Variants in PDZRN3 observed in about 807,000 individuals in gnomAD.
PDZRN3 encodes the protein E3 ubiquitin-protein ligase PDZRN3.
Under a neutral mutation model 85.7 loss-of-function variants are expected in PDZRN3, and 38 were observed. The observed-to-expected ratio is 0.44, with a 90% CI of 0.34 to 0.58. The LOEUF (loss-of-function observed/expected upper bound fraction) is 0.58, where lower values mean the gene tolerates loss of function less well. PDZRN3 is among the 20% of genes least tolerant of loss of function. The pLI is 0.01. For synonymous variants in PDZRN3, 759 were observed against 638.0 expected (o/e 1.19, Z -2.86); for missense variants, 1,629 against 1,506.4 (o/e 1.08, Z -1.35).
chr3:73,436,031 C>T (rs1702524571), intron 3 of PDZRN3, among the ~76,000 whole-genome samples: 1 of 152,164 alleles, frequency 6.6e-6, no homozygotes, highest in South Asian at 2.1e-4. Flanking sequence ...TCTGCTGGAA[C>T]CGCTCTTCCC....
chr3:73,453,400 G>A (rs1872958), intron 3 of PDZRN3, among the ~76,000 whole-genome samples: 96,495 of 122,392 alleles, frequency 0.79, 37,431 homozygotes, highest in East Asian at 0.91. Flanking sequence ...GTGAGACTTC[G>A]TCTCAAAAAA....
intron 3 of PDZRN3, among the ~76,000 whole-genome samples, chr3:73,590,550 C>T (rs1037554138): frequency 1.3e-5 from 2 of 152,172 alleles, no homozygotes; most frequent in Admixed American, 1.3e-4. Flanking sequence ...ACGTCAACAA[C>T]TTTGGTACCA....
intron 3 of PDZRN3, among the ~76,000 whole-genome samples, chr3:73,429,771 A>C (rs1006406451): frequency 6.6e-6 from 1 of 152,214 alleles, no homozygotes; most frequent in Non-Finnish European, 1.5e-5. Context: ...CTGAGAGGCA[A>C]AAGGACATCA....
In PDZRN3 at chr3:73,474,543, A is replaced by C. The variant is rs933463540; in HGVS notation, c.919-70148T>G. 23 of 1,287,620 alleles carry C rather than the reference A, an allele frequency of 1.8e-5. No individual in the cohort carries two copies. The Admixed American group carries it at 5.3e-4, about 30-fold the overall frequency. The allele number at this position is 1,287,620 out of a possible 1,614,324, so 79.8% of individuals were successfully genotyped here. On this transcript the variant is annotated intron_variant, in intron 3 of 9. Transcript: ENST00000263666. ...CCTCTTGTGTTCCATCTTCATTTAAAAATTGACTCAGTGAAGCAAGGCAGC... is the reference window on the plus strand; with the variant it reads ...CCTCTTGTGTTCCATCTTCATTTAACAATTGACTCAGTGAAGCAAGGCAGC...
intron 3 of PDZRN3, among the ~76,000 whole-genome samples, chr3:73,544,955 C>T (rs1701387951): frequency 6.6e-6 from 1 of 152,014 alleles, no homozygotes; most frequent in Non-Finnish European, 1.5e-5. Context: ...TCCCCATCTC[C>T]AATGCATGCA....
chr3:73,417,056 A>G (rs1218016068), intron 3 of PDZRN3, among the ~76,000 whole-genome samples: 1 of 150,380 alleles, frequency 6.6e-6, no homozygotes, highest in Non-Finnish European at 1.5e-5. Context: ...TTTTTTTTGT[A>G]TTTTTAGTAG....
chr3:73,480,433 A>G (rs4677288), intron 3 of PDZRN3, among the ~76,000 whole-genome samples: 3 of 151,886 alleles, frequency 2.0e-5, no homozygotes, highest in Non-Finnish European at 2.9e-5. Flanking sequence ...TTCTGCACAC[A>G]TAAGTCTCTC....
chr3:73,624,726 C>T lies in PDZRN3; in HGVS notation c.100G>A (p.Gly34Ser), dbSNP rs1559762499. The T allele has an allele frequency of 6.5e-7, 1 of 1,529,392 alleles. No homozygotes were observed. The allele number at this position is 1,529,392 out of a possible 1,614,324, so 94.7% of individuals were successfully genotyped here. Reference sequence around the variant, plus strand: ...ACGCAGCCGGCGCAGAAGACGTGGCCGCACGGCGTGGTCAGCGGGTCCTCC... The same window carrying T: ...ACGCAGCCGGCGCAGAAGACGTGGCTGCACGGCGTGGTCAGCGGGTCCTCC... ...VLEDPLTTPC[G>S]HVFCAGCVLP... Residue 34 changes from glycine (G) to serine (S), a missense_variant, in exon 1 of 10, where the codon GGC becomes AGC. Transcript: ENST00000263666.
At chr3:73,462,892 C>T (rs1299247340) in intron 3 of PDZRN3, among the ~76,000 whole-genome samples, 1 of 152,164 alleles carries the variant, frequency 6.6e-6, no homozygotes, top group Non-Finnish European at 1.5e-5. Context: ...CTTAATGGGA[C>T]TAAGTATTAT....
chr3:73,553,234 C>T (rs990230191), intron 3 of PDZRN3, among the ~76,000 whole-genome samples: 3 of 152,136 alleles, frequency 2.0e-5, no homozygotes, highest in Non-Finnish European at 4.4e-5. Flanking sequence ...ATAATTAACA[C>T]GGTTGACACA....
chr3:73,602,509 A>G, intron 2 of PDZRN3, 48 bp from the exon 3 acceptor site: 1 of 956,508 alleles, frequency 1.0e-6, no homozygotes, highest in Non-Finnish European at 1.7e-6. Flanking sequence ...CATTAAGTTG[A>G]GCATGAAAGT....
intron 3 of PDZRN3, among the ~76,000 whole-genome samples, chr3:73,549,456 G>A (rs1701501825): frequency 6.6e-6 from 1 of 152,094 alleles, no homozygotes. Flanking sequence ...CCAAGTCTTT[G>A]GACACAGAAC....
chr3:73,404,083 A>G, intron 4 of PDZRN3, 65 bp downstream of exon 4: 1 of 1,503,528 alleles, frequency 6.7e-7, no homozygotes, highest in Non-Finnish European at 9.0e-7. Context: ...CACCACATAG[A>G]AGAGAAAGAA....
intron 3 of PDZRN3, among the ~76,000 whole-genome samples, chr3:73,582,527 A>C (rs1330411143): frequency 6.6e-6 from 1 of 152,154 alleles, no homozygotes; most frequent in Non-Finnish European, 1.5e-5. Flanking sequence ...ACAGTTGGCT[A>C]AATGTTTTTA....
intron 2 of PDZRN3, among the ~76,000 whole-genome samples, chr3:73,608,259 G>A (rs958305033): frequency 1.3e-5 from 2 of 152,146 alleles, no homozygotes; most frequent in Non-Finnish European, 2.9e-5. Flanking sequence ...GTCTAGGACG[G>A]TGGCTGGTTA....
At chr3:73,570,682 T>C (rs1702033550) in intron 3 of PDZRN3, among the ~76,000 whole-genome samples, 1 of 152,082 alleles carries the variant, frequency 6.6e-6, no homozygotes, top group Non-Finnish European at 1.5e-5. Context: ...GAGCAGAGCC[T>C]TCCCATCTAC....
At chr3:73,386,225 A>ATTTTTTT (rs1576018763) in intron 8 of PDZRN3, among the ~76,000 whole-genome samples, 3 of 38,642 alleles carry the variant, frequency 7.8e-5, no homozygotes, top group Non-Finnish European at 1.6e-4. Flanking sequence ...GCAAGATATC[A>ATTTTTTT]CTTTTTTTTT....
chr3:73,506,376 A>G (rs2106696877), intron 3 of PDZRN3, among the ~76,000 whole-genome samples: 1 of 152,394 alleles, frequency 6.6e-6, no homozygotes, highest in East Asian at 1.9e-4. Flanking sequence ...GAAAAGGTTG[A>G]CATCTTTAAT....
intron 3 of PDZRN3, among the ~76,000 whole-genome samples, chr3:73,490,763 C>A (rs1703754761): frequency 6.6e-6 from 1 of 152,186 alleles, no homozygotes; most frequent in Non-Finnish European, 1.5e-5. Context: ...CAATGGCAGA[C>A]CCCATGCCTG....
Sources: gnomAD v4.1 joint callset for allele counts (sites outside exome capture counted in the v4.1 genomes callset) on GRCh38, gnomAD v4.1.1 for gene constraint, MANE v1.5 for transcripts, NCBI Gene and HGNC (gene_info 2026-07-23, HGNC 2026-07-21) for gene names.